Variants in KANSL1L observed in about 807,000 individuals in gnomAD.
KANSL1L encodes the protein KAT8 regulatory NSL complex subunit 1 like, also known as KAT8 regulatory NSL complex subunit 1-like protein.
KANSL1L carries 25 observed loss-of-function variants against 108.6 expected under a neutral mutation model. The observed-to-expected ratio is 0.23, with a 90% confidence interval of 0.17 to 0.32. The LOEUF is 0.32. Ranked by LOEUF, KANSL1L falls within the 10% of genes least tolerant of loss-of-function variation. The pLI is 1.00. For missense variants in KANSL1L, 1,137 were observed against 1,125.7 expected (o/e 1.01, Z -0.14); for synonymous variants, 405 against 395.1 (o/e 1.03, Z -0.30).
At chr2:210,135,320 G>A (rs549876210) in intron 2 of KANSL1L, among the ~76,000 whole-genome samples, 1 of 152,138 alleles carries the variant, frequency 6.6e-6, no homozygotes, top group Middle Eastern at 3.2e-3. Context: ...ATGAGAAAGA[G>A]GTACATGGAC....
intron 8 of KANSL1L, among the ~76,000 whole-genome samples, chr2:210,033,199 G>A (rs2094045743): frequency 6.6e-6 from 1 of 152,178 alleles, no homozygotes; most frequent in Admixed American, 6.5e-5. Flanking sequence ...TAAACCCTAA[G>A]ATTTCAACGA....
At chr2:210,029,048 A>C in intron 10 of KANSL1L, 79 bp from the exon 11 acceptor site, 3 of 1,200,394 alleles carry the variant, frequency 2.5e-6, no homozygotes, top group Non-Finnish European at 3.5e-6. Flanking sequence ...AGTTATGTAA[A>C]TATGGCAGTA....
chr2:210,041,713 C>T (rs142196283), intron 7 of KANSL1L, among the ~76,000 whole-genome samples: 1,630 of 152,304 alleles, frequency 0.011, 25 homozygotes, highest in African/African-American at 0.035. Flanking sequence ...GTTGGGATTA[C>T]AGGCATGAGC....
At position 210,075,637 on chromosome 2, in the gene KANSL1L, C is replaced by T. The variant is rs772585550; in HGVS notation, c.1670G>A (p.Ser557Asn). Residue 557 changes from serine to asparagine, a missense_variant, in exon 6 of 15, where the codon AGT (serine) becomes AAT (asparagine). This residue lies in a region of KANSL1L where 575 missense variants were observed against 567.1 expected (regional missense o/e 1.01). Transcript: ENST00000281772. The stretch of plus-strand genomic sequence containing the variant: ...AAGTGGCCTTGTTCGGGCTGATGTA[C>T]TCATGAAAGTCAAGGATGAAGATTT... ...RLKSSSLTFM[S>N]TSARTRPLQS... The T allele has an allele frequency of 1.6e-5, 26 of 1,613,758 alleles. No individual in the cohort carries two copies. Among genetic ancestry groups the T allele is most frequent in the Non-Finnish European group, 2.1e-5 (25 of 1,179,860 alleles).
chr2:210,164,862 T>G (rs1027732208), intron 1 of KANSL1L, among the ~76,000 whole-genome samples: 37 of 148,614 alleles, frequency 2.5e-4, no homozygotes, highest in African/African-American at 6.9e-4. Flanking sequence ...TCTGTTTTTT[T>G]TTTTTTGTTT....
chr2:210,105,290 T>A (rs2094835474), intron 3 of KANSL1L, among the ~76,000 whole-genome samples: 1 of 148,572 alleles, frequency 6.7e-6, no homozygotes, highest in Admixed American at 6.8e-5. Context: ...TATTATGTTA[T>A]ATATATACTG....
chr2:210,138,432 G>T (rs1036611808), intron 2 of KANSL1L, among the ~76,000 whole-genome samples: 1 of 152,072 alleles, frequency 6.6e-6, no homozygotes, highest in Non-Finnish European at 1.5e-5. Context: ...ATATACACAT[G>T]TAACAAGCCT....
At chr2:210,139,993 T>A (rs972572486) in intron 2 of KANSL1L, among the ~76,000 whole-genome samples, 4 of 152,156 alleles carry the variant, frequency 2.6e-5, no homozygotes, top group African/African-American at 9.7e-5. Flanking sequence ...TCCACCGGGC[T>A]ACACCTCCTT....
chr2:210,161,889 TATTTTA>T (rs1285546198), intron 1 of KANSL1L, among the ~76,000 whole-genome samples: 1 of 151,746 alleles, frequency 6.6e-6, no homozygotes, highest in Non-Finnish European at 1.5e-5. Flanking sequence ...TTAAAATTTT[TATTTTA>T]AAGTTTGTGG....
chr2:210,157,691 GAAAAAAAAAAAAA>G (rs56676129), intron 1 of KANSL1L, among the ~76,000 whole-genome samples: 1,705 of 47,210 alleles, frequency 0.036, 72 homozygotes, highest in African/African-American at 0.097. Flanking sequence ...CACTGTCACA[GAAAAAAAAAAAAA>G]AAAAAAAAAA....
At chr2:210,158,952 A>C (rs2125663304) in intron 1 of KANSL1L, among the ~76,000 whole-genome samples, 1 of 152,316 alleles carries the variant, frequency 6.6e-6, no homozygotes, top group East Asian at 1.9e-4. Flanking sequence ...ATAAACAACT[A>C]CACTTATCAC....
chr2:210,149,175 A>G (rs542199718), intron 2 of KANSL1L, among the ~76,000 whole-genome samples: 1 of 152,244 alleles, frequency 6.6e-6, no homozygotes, highest in Admixed American at 6.5e-5. Flanking sequence ...AACCATATAT[A>G]GAAGAGAGAA....
chr2:210,037,084 GAACAA>G, intron 8 of KANSL1L, among the ~76,000 whole-genome samples: 1 of 151,936 alleles, frequency 6.6e-6, no homozygotes, highest in East Asian at 1.9e-4. Flanking sequence ...TCAAATAGTA[GAACAA>G]CATTAAAAGA....
chr2:210,113,518 A>C (rs904965584), intron 3 of KANSL1L, among the ~76,000 whole-genome samples: 2 of 152,150 alleles, frequency 1.3e-5, no homozygotes, highest in Admixed American at 1.3e-4. Flanking sequence ...AAAAACAACA[A>C]AAAAAACAAA....
intron 6 of KANSL1L, among the ~76,000 whole-genome samples, chr2:210,073,167 T>C (rs2094519110): frequency 6.6e-6 from 1 of 152,180 alleles, no homozygotes; most frequent in Non-Finnish European, 1.5e-5. Context: ...CCTTGCTTTC[T>C]GTTAACATTA....
intron 5 of KANSL1L, among the ~76,000 whole-genome samples, chr2:210,092,982 G>A (rs2094705410): frequency 6.6e-6 from 1 of 151,924 alleles, no homozygotes. Flanking sequence ...TCTCCCTGTG[G>A]TCCCTAGTGG....
chr2:210,059,137 CAAA>C (rs71043969), intron 6 of KANSL1L, among the ~76,000 whole-genome samples: 3 of 71,804 alleles, frequency 4.2e-5, no homozygotes, highest in Non-Finnish European at 3.0e-5. Flanking sequence ...GACTCCGTCT[CAAA>C]AAAAAAAAAA....
chr2:210,115,589 C>A (rs1375734108), intron 3 of KANSL1L, among the ~76,000 whole-genome samples: 5 of 152,072 alleles, frequency 3.3e-5, no homozygotes, highest in African/African-American at 1.2e-4. Context: ...AGTAAACTGG[C>A]AAAAATCAGT....
intron 3 of KANSL1L, among the ~76,000 whole-genome samples, chr2:210,106,120 T>G: frequency 6.6e-6 from 1 of 152,304 alleles, no homozygotes; most frequent in Non-Finnish European, 1.5e-5. Context: ...GTGAGAAGAA[T>G]CTGTTGTCTT....
Sources: allele counts gnomAD v4.1 joint callset (sites outside exome capture counted in the v4.1 genomes callset), GRCh38; gene constraint gnomAD v4.1.1; regional missense constraint gnomAD v4.1.1; transcripts MANE v1.5; gene names NCBI Gene and HGNC (gene_info 2026-07-23, HGNC 2026-07-21).